MIS18A: variants seen among roughly 807,000 people sequenced by gnomAD.
MIS18A encodes the protein protein Mis18-alpha.
Under a neutral mutation model 25.0 loss-of-function variants are expected in MIS18A, and 14 were observed. The observed-to-expected ratio is 0.56, with a 90% CI of 0.37 to 0.88. The LOEUF is 0.88. MIS18A is among the 40% of genes least tolerant of loss of function. MIS18A has a pLI of 0.00. For missense variants in MIS18A, 292 were observed against 290.8 expected (o/e 1.00, Z -0.03); for synonymous variants, 134 against 118.6 (o/e 1.13, Z -0.84).
the MIS18A span, among the ~76,000 whole-genome samples, chr21:32,188,003 G>GTCTCTCTCTC: frequency 0.042 from 6,320 of 150,064 alleles, 426 homozygotes; most frequent in African/African-American, 0.14. Context: ...CTCCCTTTCT[G>GTCTCTCTCTC]TCTCTCTCTC....
the MIS18A span, among the ~76,000 whole-genome samples, chr21:32,249,278 T>C: frequency 6.6e-6 from 1 of 152,154 alleles, no homozygotes; most frequent in Non-Finnish European, 1.5e-5. Flanking sequence ...GTGGGGGTGC[T>C]TTTCCCCACC....
chr21:32,169,079 A>T, the MIS18A span, among the ~76,000 whole-genome samples: 4 of 152,292 alleles, frequency 2.6e-5, no homozygotes, highest in Middle Eastern at 3.4e-3. Context: ...AGGTGCATTT[A>T]TTCAAGAAAA....
At chr21:32,208,654 G>C in the MIS18A span, among the ~76,000 whole-genome samples, 1 of 152,218 alleles carries the variant, frequency 6.6e-6, no homozygotes, top group Non-Finnish European at 1.5e-5. Context: ...TTTCGGGAAA[G>C]AGTATCTCCT....
At chr21:32,239,654 AGCCATAGGAG>A in the MIS18A span, among the ~76,000 whole-genome samples, 6 of 152,224 alleles carry the variant, frequency 3.9e-5, no homozygotes, top group South Asian at 2.1e-4. Context: ...ACTGACTGTG[AGCCATAGGAG>A]GCTTTTATAA....
At chr21:32,200,495 G>A in the MIS18A span, among the ~76,000 whole-genome samples, 1 of 150,742 alleles carries the variant, frequency 6.6e-6, no homozygotes, top group Non-Finnish European at 1.5e-5. Context: ...GTGCAGAGGT[G>A]CAATCTTGGC....
chr21:32,203,477 AATAC>A, the MIS18A span, among the ~76,000 whole-genome samples: 1 of 150,644 alleles, frequency 6.6e-6, no homozygotes, highest in East Asian at 1.9e-4. Flanking sequence ...CTTACTTCTC[AATAC>A]CATCCTTGGG....
the MIS18A span, among the ~76,000 whole-genome samples, chr21:32,217,609 C>T: frequency 3.3e-5 from 5 of 152,146 alleles, no homozygotes; most frequent in African/African-American, 1.2e-4. Context: ...CCCACACATC[C>T]AACTAGCTCA....
At chr21:32,242,653 T>C in the MIS18A span, among the ~76,000 whole-genome samples, 1 of 152,132 alleles carries the variant, frequency 6.6e-6, no homozygotes, top group Non-Finnish European at 1.5e-5. Flanking sequence ...AGTGAATCAT[T>C]AGTCATTTTT....
At chr21:32,167,346 C>T in the MIS18A span, among the ~76,000 whole-genome samples, 1 of 150,780 alleles carries the variant, frequency 6.6e-6, no homozygotes, top group South Asian at 2.1e-4. Context: ...CTGAAATTAT[C>T]TGATATAGAT....
the MIS18A span, among the ~76,000 whole-genome samples, chr21:32,199,289 G>T: frequency 6.6e-6 from 1 of 152,148 alleles, no homozygotes; most frequent in Admixed American, 6.5e-5. Flanking sequence ...CTGTGGAAAA[G>T]GATTGACTTG....
In MIS18A at chr21:32,268,810, G is replaced by A; in HGVS notation, c.*227C>T. The A allele has an allele frequency of 2.8e-6, 1 of 358,008 alleles. No individual in the cohort carries two copies. The allele number at this position is 358,008 out of a possible 1,614,324, so 22.2% of individuals were successfully genotyped here. A position where few individuals can be genotyped will look rare whatever the true frequency, so the allele number is the denominator to read the frequency against. On this transcript the variant is annotated 3_prime_UTR_variant, in exon 5 of 5. Transcript: ENST00000290130. ...ACAATTTTGGGTTTTTTTTTTGAGAGAAGGTCTCACTCTGTTGCCCAGACT... is the reference window on the plus strand; with the variant it reads ...ACAATTTTGGGTTTTTTTTTTGAGAAAAGGTCTCACTCTGTTGCCCAGACT...
At chr21:32,219,274 A>G in the MIS18A span, among the ~76,000 whole-genome samples, 1 of 152,052 alleles carries the variant, frequency 6.6e-6, no homozygotes, top group African/African-American at 2.4e-5. Context: ...CAACTGAGAT[A>G]CCCGGTTCAT....
At chr21:32,186,881 G>A in the MIS18A span, among the ~76,000 whole-genome samples, 11 of 152,112 alleles carry the variant, frequency 7.2e-5, no homozygotes, top group Admixed American at 2.6e-4. Flanking sequence ...CATTCTAACC[G>A]AGAACAAAGG....
chr21:32,218,016 A>AC, the MIS18A span, among the ~76,000 whole-genome samples: 1 of 151,756 alleles, frequency 6.6e-6, no homozygotes, highest in African/African-American at 2.4e-5. Flanking sequence ...ACATGGTGAA[A>AC]TCCCGTCTCT....
At chr21:32,209,530 G>A in the MIS18A span, among the ~76,000 whole-genome samples, 1 of 152,232 alleles carries the variant, frequency 6.6e-6, no homozygotes, top group East Asian at 1.9e-4. Context: ...ATTAAAACTG[G>A]CAAAAACTGC....
At chr21:32,247,807 C>T in the MIS18A span, among the ~76,000 whole-genome samples, 8 of 152,326 alleles carry the variant, frequency 5.3e-5, no homozygotes, top group East Asian at 5.8e-4. Flanking sequence ...CCAAGCTACA[C>T]GGCTGTGTCT....
At chr21:32,179,935 GT>G in the MIS18A span, among the ~76,000 whole-genome samples, 1 of 152,208 alleles carries the variant, frequency 6.6e-6, no homozygotes, top group South Asian at 2.1e-4. Flanking sequence ...TCCAAGGTTA[GT>G]CCTTAGCCTA....
At chr21:32,256,708 T>C in the MIS18A span, among the ~76,000 whole-genome samples, 1 of 152,216 alleles carries the variant, frequency 6.6e-6, no homozygotes, top group African/African-American at 2.4e-5. Context: ...CTAATCTTTC[T>C]TGTACTCAGT....
the MIS18A span, among the ~76,000 whole-genome samples, chr21:32,252,555 G>C: frequency 2.6e-5 from 4 of 152,144 alleles, no homozygotes; most frequent in African/African-American, 9.7e-5. Context: ...TTTTAATGTA[G>C]TATTTATTCA....
Sources: gnomAD v4.1 joint callset for allele counts (sites outside exome capture counted in the v4.1 genomes callset) on GRCh38, gnomAD v4.1.1 for gene constraint, MANE v1.5 for transcripts, NCBI Gene and HGNC (gene_info 2026-07-23, HGNC 2026-07-21) for gene names.